Variants in MBNL3 observed in about 807,000 individuals in gnomAD.
MBNL3 encodes muscleblind-like protein 3.
In MBNL3, 6 loss-of-function variants were observed where a neutral mutation model predicts 24.5. That is an observed-to-expected ratio of 0.25 (90% CI 0.13 to 0.48). The LOEUF is 0.48. Ranked by LOEUF, MBNL3 falls within the 20% of genes least tolerant of loss-of-function variation. The pLI is 0.99. For missense variants in MBNL3, 230 were observed against 293.5 expected (o/e 0.78, Z 1.58); for synonymous variants, 100 against 101.7 (o/e 0.98, Z 0.10).
chrX:132,379,523 T>C lies in MBNL3; in HGVS notation c.*143A>G, dbSNP rs1221220655. 7 of 528,367 alleles carry C rather than the reference T, an allele frequency of 1.3e-5. No homozygotes were observed. The highest frequency in any genetic ancestry group is 2.0e-5 in the Non-Finnish European group (7 of 346,983). The allele number at this position is 528,367 out of a possible 1,213,427, so 43.5% of individuals were successfully genotyped here. The stretch of plus-strand genomic sequence containing the variant: ...TGCTTTATTTTTTATTTGAATTTGC[T>C]GGCTGGCAGGTTTGCTTTGCTTAAT... On this transcript the variant is annotated 3_prime_UTR_variant, in exon 9 of 9. Transcript: ENST00000370853.
At chrX:132,412,099 A>G (rs989908027) in intron 2 of MBNL3, among the ~76,000 whole-genome samples, 3 of 109,460 alleles carry the variant, frequency 2.7e-5, no homozygotes, top group African/African-American at 1.0e-4. Context: ...TTTTTTTCCT[A>G]TGAATATAGA....
At chrX:132,388,789 A>G (rs1373592928) in intron 5 of MBNL3, among the ~76,000 whole-genome samples, 1 of 110,712 alleles carries the variant, frequency 9.0e-6, no homozygotes, top group African/African-American at 3.3e-5. Flanking sequence ...AACCTGAGCT[A>G]TATACATGAA....
chrX:132,469,982 C>T (rs1287864275), intron 1 of MBNL3, among the ~76,000 whole-genome samples: 1 of 111,764 alleles, frequency 8.9e-6, no homozygotes, highest in East Asian at 2.8e-4. Flanking sequence ...CCTTTTGTGT[C>T]TGCCTTTTTT....
chrX:132,421,062 T>C (rs1943770024), intron 2 of MBNL3, among the ~76,000 whole-genome samples: 1 of 111,802 alleles, frequency 8.9e-6, no homozygotes, highest in Non-Finnish European at 1.9e-5. Context: ...TAATTCTATT[T>C]AGTTTTAGAT....
intron 1 of MBNL3, among the ~76,000 whole-genome samples, chrX:132,476,877 C>G (rs983226726): frequency 9.0e-6 from 1 of 111,722 alleles, no homozygotes; most frequent in African/African-American, 3.3e-5. Context: ...GAACAGTCAA[C>G]TACATGCTTG....
intron 3 of MBNL3, among the ~76,000 whole-genome samples, chrX:132,399,056 C>T (rs1940364262): frequency 9.0e-6 from 1 of 111,441 alleles, no homozygotes; most frequent in Admixed American, 9.6e-5. Context: ...ATACCTGTCA[C>T]AGAGTATATG....
At chrX:132,424,013 A>C (rs1318264142) in intron 2 of MBNL3, among the ~76,000 whole-genome samples, 2 of 112,048 alleles carry the variant, frequency 1.8e-5, no homozygotes, top group African/African-American at 6.5e-5. Flanking sequence ...TAAGATTATT[A>C]CAGTAACTGT....
intron 2 of MBNL3, among the ~76,000 whole-genome samples, chrX:132,433,737 G>A (rs1463777219): frequency 9.0e-6 from 1 of 111,609 alleles, no homozygotes; most frequent in Non-Finnish European, 1.9e-5. Context: ...AGCCCCACCT[G>A]ATCTCCCCAC....
chrX:132,470,040 C>G (rs180823651), intron 1 of MBNL3, among the ~76,000 whole-genome samples: 1 of 111,810 alleles, frequency 8.9e-6, no homozygotes, highest in Non-Finnish European at 1.9e-5. Context: ...AGCATGTATT[C>G]CATTCCTTTC....
At chrX:132,472,133 C>T (rs1947213967) in intron 1 of MBNL3, among the ~76,000 whole-genome samples, 1 of 111,402 alleles carries the variant, frequency 9.0e-6, no homozygotes, top group Non-Finnish European at 1.9e-5. Flanking sequence ...TAGCGCCCTT[C>T]CCCTTTGTGC....
At position 132,443,984 on chromosome X, in the gene MBNL3, T is replaced by TCCCCCCCCCCCCCC. The variant is rs762809506; in HGVS notation, c.-703-3671_-703-3670insGGGGGGGGGGGGGG. 1.8e-3 allele frequency among the ~76,000 whole-genome samples: 11 copies of TCCCCCCCCCCCCCC among 6,149 alleles called. 4 individuals carry two copies. The highest frequency in any genetic ancestry group is 0.011 in the East Asian group (2 of 187). The allele number at this position is 6,149 out of a possible 115,157, so 5.3% of individuals were successfully genotyped here. A position where few individuals can be genotyped will look rare whatever the true frequency, so the allele number is the denominator to read the frequency against. On this transcript the variant is annotated intron_variant, in intron 1 of 8. Transcript: ENST00000370853. ...AAACTCAAGCAGCCTGACTCCAGAGTCCGCCCCCCCCCCCCCCCCCCACCT... is the reference window on the plus strand; with the variant it reads ...AAACTCAAGCAGCCTGACTCCAGAGTCCCCCCCCCCCCCCCCGCCCCCCCCCCCCCCCCCCACCT...
chrX:132,478,515 A>G (rs1947562342), intron 1 of MBNL3, among the ~76,000 whole-genome samples: 1 of 112,327 alleles, frequency 8.9e-6, no homozygotes, highest in South Asian at 3.7e-4. Context: ...TGACACAGAA[A>G]TAACATCCAC....
At chrX:132,420,014 G>A (rs760688326) in intron 2 of MBNL3, among the ~76,000 whole-genome samples, 1 of 111,219 alleles carries the variant, frequency 9.0e-6, no homozygotes, top group South Asian at 3.9e-4. Flanking sequence ...TGTTCTTAGA[G>A]CTCCTAAGAT....
chrX:132,484,907 CACAT>C (rs924820340), intron 1 of MBNL3, among the ~76,000 whole-genome samples: 1 of 107,906 alleles, frequency 9.3e-6, no homozygotes, highest in African/African-American at 3.6e-5. Flanking sequence ...AATCACCATA[CACAT>C]ACAAAGGGAG....
chrX:132,397,928 A>G (rs777375006), intron 3 of MBNL3, among the ~76,000 whole-genome samples: 1 of 110,927 alleles, frequency 9.0e-6, no homozygotes, highest in Non-Finnish European at 1.9e-5. Flanking sequence ...TAGTTTCTCA[A>G]TAATTGAGAG....
At position 132,373,936 on chromosome X, in the gene MBNL3, A is replaced by G. The variant is rs550805228; in HGVS notation, c.*5730T>C. 1 of 111,833 alleles carries G rather than the reference A, an allele frequency of 8.9e-6. No individual in the cohort carries two copies. The allele number at this position is 111,833 out of a possible 1,213,427, so 9.2% of individuals were successfully genotyped here. ...CTTCCACTGAACAGGTATAATGTAA[A>G]TGAAGCCAGTTATAAAGTTGTGCCA... On this transcript the variant is annotated 3_prime_UTR_variant, in exon 9 of 9. Coordinates refer to ENST00000370853, the MANE Select transcript of MBNL3 (RefSeq NM_001386889.1).
chrX:132,403,431 C>T (rs1181604920), intron 3 of MBNL3, among the ~76,000 whole-genome samples: 1 of 111,707 alleles, frequency 9.0e-6, no homozygotes, highest in African/African-American at 3.3e-5. Flanking sequence ...TAAGTAATGC[C>T]TTGTATCTTG....
chrX:132,393,665 T>C (rs1359827986), intron 3 of MBNL3, among the ~76,000 whole-genome samples: 1 of 111,622 alleles, frequency 9.0e-6, no homozygotes, highest in Non-Finnish European at 1.9e-5. Flanking sequence ...TAATAAATCA[T>C]GACTAAATGT....
intron 1 of MBNL3, among the ~76,000 whole-genome samples, chrX:132,487,386 T>A (rs1948065038): frequency 8.9e-6 from 1 of 112,494 alleles, no homozygotes; most frequent in African/African-American, 3.2e-5. Flanking sequence ...CTTTCAAGAA[T>A]AATATGAAAA....
Sources: allele counts gnomAD v4.1 joint callset (sites outside exome capture counted in the v4.1 genomes callset), GRCh38; gene constraint gnomAD v4.1.1; transcripts MANE v1.5; gene names NCBI Gene and HGNC (gene_info 2026-07-23, HGNC 2026-07-21).